Variants in NIN observed in about 807,000 individuals in gnomAD.
The protein encoded by NIN is ninein, also known as glycogen synthase kinase 3 beta-interacting protein.
NIN carries 137 observed loss-of-function variants against 257.6 expected under a neutral mutation model. The ratio of observed to expected loss-of-function variants is 0.53; its 90% CI spans 0.46 to 0.61. The LOEUF (loss-of-function observed/expected upper bound fraction) is 0.61, where lower values mean the gene tolerates loss of function less well. Ranked by LOEUF, NIN falls within the 20% of genes least tolerant of loss-of-function variation. The pLI, the probability that NIN is intolerant of heterozygous loss-of-function variation, is 0.00. For synonymous variants in NIN, 918 were observed against 919.8 expected, an observed-to-expected ratio of 1.00 and a Z score of 0.04; for missense variants, 2,439 against 2,501.2, an observed-to-expected ratio of 0.98 and a Z score of 0.53.
chr14:50,778,320 G>A (rs1043416575), intron 6 of NIN, among the ~76,000 whole-genome samples: 14 of 152,098 alleles, frequency 9.2e-5, no homozygotes, highest in Non-Finnish European at 1.9e-4. Context: ...TGGGACGACA[G>A]GCATGTGCTA....
intron 6 of NIN, among the ~76,000 whole-genome samples, chr14:50,778,491 C>T (rs1360364025): frequency 1.3e-5 from 2 of 152,206 alleles, no homozygotes; most frequent in Non-Finnish European, 2.9e-5. Context: ...TAATAGGTCA[C>T]TATTTAAGAC....
intron 27 of NIN, among the ~76,000 whole-genome samples, chr14:50,737,212 G>A (rs1442736312): frequency 2.6e-5 from 4 of 152,112 alleles, no homozygotes; most frequent in Non-Finnish European, 5.9e-5. Context: ...CACTCCTTCT[G>A]GGGGAAGCCA....
chr14:50,767,683 G>A (rs1369129972), intron 12 of NIN, among the ~76,000 whole-genome samples: 1 of 152,000 alleles, frequency 6.6e-6, no homozygotes, highest in African/African-American at 2.4e-5. Context: ...CAGGTGTGGT[G>A]GCGGGCGCCT....
Position 50,766,399 on chromosome 14 carries a change from A to G in NIN, c.1546-3T>C. The G allele has an allele frequency of 1.2e-6, 2 of 1,614,000 alleles. No individual in the cohort carries two copies. Among genetic ancestry groups the G allele is most frequent in the South Asian group, 2.2e-5 (2 of 91,076 alleles). Reference sequence around the variant, plus strand: ...CTGCTAGGATCGAGGTCACCAAACTAGAAGGGGAAAAGGGCAAAGCTGTCA... The same window carrying G: ...CTGCTAGGATCGAGGTCACCAAACTGGAAGGGGAAAAGGGCAAAGCTGTCA... On this transcript the variant is annotated splice_polypyrimidine_tract_variant and splice_region_variant and intron_variant, in intron 13 of 30. Coordinates refer to ENST00000530997, the MANE Select transcript of NIN (RefSeq NM_020921.4).
chr14:50,729,696 G>A lies in NIN; in HGVS notation c.5905C>T (p.Pro1969Ser), dbSNP rs148886330. The A allele has an allele frequency of 2.5e-6, 4 of 1,610,430 alleles. No individual in the cohort carries two copies. Among genetic ancestry groups the A allele is most frequent in the Non-Finnish European group, 3.4e-6 (4 of 1,178,356 alleles). ...TCCCAAGCATGAGGGGACGGGCTAG[G>A]CGTCGCAGTGGACCTCAGGTGCTGC... ...EMQHLRSTAT[P>S]SPSPHAWDLQ... Residue 1969 changes from proline (P) to serine (S), a missense_variant, in exon 29 of 31, where the codon CCT (proline) becomes TCT (serine). This residue lies in a region of NIN where 2,043 missense variants were observed against 2,050.2 expected (regional missense o/e 1.00). Transcript: ENST00000530997.
At chr14:50,760,437 C>G in intron 16 of NIN, 78 bp from the exon 17 acceptor site, 10 of 424,920 alleles carry the variant, frequency 2.4e-5, no homozygotes, top group East Asian at 4.8e-5. Flanking sequence ...GCAGCAATTG[C>G]TTTTTTTTTT....
rs754176772 is a variant in NIN at position 50,756,909 on chromosome 14, A to G, written c.4121T>C (p.Val1374Ala). The G allele has an allele frequency of 6.4e-7, 1 of 1,560,892 alleles. No homozygotes were observed. The change falls in exon 18 of 31, where the codon GTG becomes GCG. Residue 1374 changes from valine to alanine, a missense_variant. Transcript: ENST00000530997. ...LQLNQTLEEC[V>A]PRVRSVHHVI... The stretch of plus-strand genomic sequence containing the variant: ...ATGATGTACACTCCTAACCCTGGGC[A>G]CACACTCTTCCAGTGTCTGATTGAG...
intron 14 of NIN, among the ~76,000 whole-genome samples, chr14:50,765,063 T>C (rs1595811320): frequency 1.2e-5 from 1 of 82,072 alleles, no homozygotes; most frequent in Non-Finnish European, 2.4e-5. Flanking sequence ...TGTCTCTACT[T>C]AAAAAAAAAA....
In NIN at chr14:50,725,991, T is replaced by C. The variant is rs148630367; in HGVS notation, c.6154A>G (p.Arg2052Gly). The C allele has an allele frequency of 1.5e-4, 244 of 1,614,032 alleles. No individual in the cohort carries two copies. The highest frequency in any genetic ancestry group is 2.2e-4 in the Admixed American group (13 of 60,012). Residue 2052 changes from arginine (R) to glycine (G), a missense_variant, in exon 30 of 31, where the codon AGG (arginine) becomes GGG (glycine). Around this residue, in one of 3 missense-constraint regions of NIN, gnomAD observed 2,043 missense variants for 2,050.2 expected, o/e 1.00. Transcript: ENST00000530997. Reference sequence around the variant, plus strand: ...TGATTCACTTTCTCTTGAAGAAGCCTTTTCACTAGTTTCAGTTTCTGTTCA... The same window carrying C: ...TGATTCACTTTCTCTTGAAGAAGCCCTTTCACTAGTTTCAGTTTCTGTTCA... Reference protein sequence around the residue: ...EVEQKLKLVKRLLQEKVNQLK... With the variant: ...EVEQKLKLVKGLLQEKVNQLK...
At position 50,725,976 on chromosome 14, in the gene NIN, T is replaced by G. The variant is rs1254913334; in HGVS notation, c.6169A>C (p.Lys2057Gln). 2.5e-6 allele frequency: 4 copies of G among 1,614,038 alleles called. No individual in the cohort carries two copies. The highest frequency in any genetic ancestry group is 1.1e-5 in the South Asian group (1 of 91,086). The change falls in exon 30 of 31, where the codon AAA becomes CAA. Residue 2057 changes from lysine (K) to glutamine (Q), a missense_variant. This residue lies in a region of NIN where 2,043 missense variants were observed against 2,050.2 expected (regional missense o/e 1.00). Coordinates refer to ENST00000530997, the MANE Select transcript of NIN (RefSeq NM_020921.4). ...ACTTGTTCTTTGAGCTGATTCACTT[T>G]CTCTTGAAGAAGCCTTTTCACTAGT... is the stretch of plus-strand genomic sequence containing the variant. ...LKLVKRLLQE[K>Q]VNQLKEQLCK...
At chr14:50,812,034 C>T (rs760887354) in intron 3 of NIN, among the ~76,000 whole-genome samples, 173 of 152,090 alleles carry the variant, frequency 1.1e-3, no homozygotes, top group Non-Finnish European at 2.0e-3. Flanking sequence ...GCAGGAGAAT[C>T]GCTTAAACCC....
rs1258142390 is a variant in NIN, at chr14:50,738,295, A to C, written c.5629-9T>G. ...GATTCCAACTGACGGACCTAACAGG[A>C]ACAAATGTAAGAGGAAAAAATGCTA... On this transcript the variant is annotated splice_polypyrimidine_tract_variant and intron_variant, in intron 26 of 30. Coordinates refer to ENST00000530997, the MANE Select transcript of NIN (RefSeq NM_020921.4). 4 of 1,608,842 alleles carry C rather than the reference A, an allele frequency of 2.5e-6. No homozygotes were observed. In the African/African-American group the frequency reaches 5.4e-5, roughly 22 times the overall value.
chr14:50,764,083 C>G (rs1245229417), intron 14 of NIN, 119 bp from the exon 15 acceptor site: 1 of 820,054 alleles, frequency 1.2e-6, no homozygotes, highest in Non-Finnish European at 2.0e-6. Flanking sequence ...TCAAAGGACA[C>G]TATCAAGAAA....
In NIN at chr14:50,744,300, T is replaced by G; in HGVS notation, c.5130A>C (p.Glu1710Asp). The G allele has an allele frequency of 1.9e-6, 3 of 1,614,168 alleles. No individual in the cohort carries two copies. Among genetic ancestry groups the G allele is most frequent in the Non-Finnish European group, 2.5e-6 (3 of 1,180,010 alleles). The change falls in exon 23 of 31, where the codon GAA (glutamate) becomes GAC (aspartate). Residue 1710 changes from glutamate (E) to aspartate (D), a missense_variant. This residue lies in a region of NIN where 2,043 missense variants were observed against 2,050.2 expected (regional missense o/e 1.00). Transcript: ENST00000530997. The part of the protein sequence containing the change: ...QKISSVLSYN[E>D]KLLKEKEALS... ...GAGCTTCCTTTTCTTTCAGCAGTTT[T>G]TCGTTGTAGCTTAGAACACTAGAGA... is the stretch of plus-strand genomic sequence containing the variant.
rs1312319169 is a variant in NIN, at chr14:50,736,273, C to G, written c.5776-656G>C. Among the ~76,000 whole-genome samples, 7 of 151,996 alleles carry G rather than the reference C, an allele frequency of 4.6e-5. No individual in the cohort carries two copies. The South Asian group carries it at 1.5e-3, about 32-fold the overall frequency. On this transcript the variant is annotated intron_variant, in intron 27 of 30. Coordinates refer to ENST00000530997, the MANE Select transcript of NIN (RefSeq NM_020921.4). ...TCAGCTTCCCAAATAGCTGGGACTA[C>G]AGGTGTGCACCACTGCACCCAGCTA...
intron 3 of NIN, among the ~76,000 whole-genome samples, chr14:50,812,596 T>C (rs1311010713): frequency 1.3e-5 from 2 of 152,152 alleles, no homozygotes; most frequent in Non-Finnish European, 2.9e-5. Context: ...AACTACAAGA[T>C]AGAAGCTGGT....
In NIN at chr14:50,763,946, C is replaced by T; in HGVS notation, c.1654G>A (p.Asp552Asn). The T allele has an allele frequency of 6.2e-7, 1 of 1,614,084 alleles. No homozygotes were observed. ...TCTTCCAGCTCAGACTGGAGTTCAT[C>T]TACTTGGTCTTGTAGTACCTGGGAT... ...RQCRVLQDQV[D>N]ELQSELEEYR... The change falls in exon 15 of 31, where the codon GAT becomes AAT. Residue 552 changes from aspartate to asparagine, a missense_variant. Asp to Asn is a conservative substitution (Grantham distance 23, BLOSUM62 1). This residue lies in a region of NIN where 2,043 missense variants were observed against 2,050.2 expected (regional missense o/e 1.00). Coordinates refer to ENST00000530997, the MANE Select transcript of NIN (RefSeq NM_020921.4).
At chr14:50,756,396 T>C in intron 18 of NIN, 96 bp downstream of exon 18, 1 of 1,295,794 alleles carries the variant, frequency 7.7e-7, no homozygotes, top group Non-Finnish European at 1.1e-6. Flanking sequence ...TCGTGAAGAC[T>C]ACTAGGTTAG....
chr14:50,766,276 T>C (rs767044520), intron 14 of NIN, 31 bp downstream of exon 14: 6 of 1,569,396 alleles, frequency 3.8e-6, no homozygotes, highest in Middle Eastern at 1.7e-4. Context: ...CAGGCACTCC[T>C]GCACTTACTC....
Sources: allele counts gnomAD v4.1 joint callset (sites outside exome capture counted in the v4.1 genomes callset), GRCh38; gene constraint gnomAD v4.1.1; regional missense constraint gnomAD v4.1.1; transcripts MANE v1.5; gene names NCBI Gene and HGNC (gene_info 2026-07-23, HGNC 2026-07-21).